The following ADGRL2 variants were observed in gnomAD, a reference collection of about 807,000 sequenced individuals.
ADGRL2 encodes calcium-independent alpha-latrotoxin receptor 2.
In ADGRL2, 44 loss-of-function variants were observed where a neutral mutation model predicts 157.4. That is an observed-to-expected ratio of 0.28 (90% confidence interval 0.22 to 0.36). The LOEUF (loss-of-function observed/expected upper bound fraction) is 0.36, where lower values mean the gene tolerates loss of function less well. ADGRL2 is among the 10% of genes least tolerant of loss of function. ADGRL2 has a pLI of 1.00. For missense variants in ADGRL2, 1,510 were observed against 1,768.9 expected, an observed-to-expected ratio of 0.85 and a Z score of 2.63; for synonymous variants, 585 against 624.7, an observed-to-expected ratio of 0.94 and a Z score of 0.95.
intron 3 of ADGRL2, among the ~76,000 whole-genome samples, chr1:81,929,317 A>C (rs2095176621): frequency 6.6e-6 from 1 of 152,304 alleles, no homozygotes; most frequent in Admixed American, 6.5e-5. Flanking sequence ...ATAATAATGC[A>C]GTGCCATCGG....
chr1:81,720,063 C>T (rs1330527718), intron 1 of ADGRL2, among the ~76,000 whole-genome samples: 1 of 151,738 alleles, frequency 6.6e-6, no homozygotes, highest in Non-Finnish European at 1.5e-5. Flanking sequence ...CATATGCAGA[C>T]AAATTGCTGC....
chr1:81,350,232 A>C (rs1662784443), intron 1 of ADGRL2, among the ~76,000 whole-genome samples: 1 of 152,194 alleles, frequency 6.6e-6, no homozygotes, highest in Admixed American at 6.5e-5. Flanking sequence ...ACTTTGCCTA[A>C]TATAACTCTA....
chr1:81,779,272 C>G (rs79755160), intron 2 of ADGRL2, among the ~76,000 whole-genome samples: 5 of 152,000 alleles, frequency 3.3e-5, no homozygotes, highest in Non-Finnish European at 5.9e-5. Context: ...CTAAGGGGTT[C>G]GAGAAGTCTG....
chr1:81,319,132 A>G (rs886766258), intron 1 of ADGRL2, among the ~76,000 whole-genome samples: 33 of 150,244 alleles, frequency 2.2e-4, no homozygotes, highest in African/African-American at 8.1e-4. Context: ...TTTTTAGTAG[A>G]GACGGGGTTT....
At chr1:81,349,548 T>C (rs1185851292) in intron 1 of ADGRL2, among the ~76,000 whole-genome samples, 2 of 151,906 alleles carry the variant, frequency 1.3e-5, no homozygotes, top group East Asian at 1.9e-4. Flanking sequence ...AGAAGTTTTT[T>C]CCTTCTACCC....
chr1:81,552,982 A>T (rs1489058313), intron 2 of ADGRL2, among the ~76,000 whole-genome samples: 1 of 152,206 alleles, frequency 6.6e-6, no homozygotes, highest in African/African-American at 2.4e-5. Context: ...TGAGAAACTA[A>T]TTGATAATAG....
At chr1:81,720,430 C>T (rs1287471383) in intron 1 of ADGRL2, among the ~76,000 whole-genome samples, 1 of 152,040 alleles carries the variant, frequency 6.6e-6, no homozygotes, top group Non-Finnish European at 1.5e-5. Context: ...CTCGGCCTCC[C>T]AAAGTGCTGA....
rs956812206 is a variant in ADGRL2, at chr1:81,770,403, C to T, written c.-101+8551C>T. Among the ~76,000 whole-genome samples the T allele has an allele frequency of 9.2e-5, 14 of 152,124 alleles. No homozygotes were observed. In the Middle Eastern group the frequency reaches 0.01, roughly 111 times the overall value. On this transcript the variant is annotated intron_variant, in intron 2 of 20. Coordinates refer to the ADGRL2 transcript ENST00000359929. ...GTCTTGAACTCCTAGCCCTGTAATT[C>T]GCCCGCCTTGGCCTCTCAAAGTGCT...
intron 3 of ADGRL2, among the ~76,000 whole-genome samples, chr1:81,654,330 C>A (rs1353511162): frequency 6.6e-6 from 1 of 152,152 alleles, no homozygotes; most frequent in Non-Finnish European, 1.5e-5. Flanking sequence ...CTTGAGTCAT[C>A]TTTTGTTTGT....
At chr1:81,425,218 T>C (rs144899696) in intron 1 of ADGRL2, among the ~76,000 whole-genome samples, 1,967 of 152,328 alleles carry the variant, frequency 0.013, 23 homozygotes, top group Non-Finnish European at 0.02. Flanking sequence ...AGTCAGTATA[T>C]GTTGACCCTA....
chr1:81,615,391 G>A (rs553274568), intron 3 of ADGRL2, among the ~76,000 whole-genome samples: 18 of 152,174 alleles, frequency 1.2e-4, no homozygotes, highest in African/African-American at 2.9e-4. Flanking sequence ...TTCGCTCTTC[G>A]CAATAAATCT....
intron 1 of ADGRL2, among the ~76,000 whole-genome samples, chr1:81,365,073 A>G (rs1041406404): frequency 2.0e-5 from 3 of 152,170 alleles, no homozygotes; most frequent in Admixed American, 6.5e-5. Flanking sequence ...CTGAGAGCTG[A>G]CGCCCTGAGG....
chr1:81,906,916 C>G (rs1348821754), intron 2 of ADGRL2, 101 bp from the exon 3 acceptor site: 1 of 936,462 alleles, frequency 1.1e-6, no homozygotes, highest in Non-Finnish European at 1.6e-6. Context: ...TATGACATCT[C>G]TTGACGATAG....
chr1:81,799,939 G>C (rs1417600216), upstream of ADGRL2, among the ~76,000 whole-genome samples: 2 of 152,106 alleles, frequency 1.3e-5, no homozygotes, highest in African/African-American at 4.8e-5. Flanking sequence ...ACACTTAACT[G>C]GCTTTTAAAC....
chr1:81,626,647 C>T (rs532274981), intron 3 of ADGRL2, among the ~76,000 whole-genome samples: 6 of 152,274 alleles, frequency 3.9e-5, no homozygotes, highest in East Asian at 1.9e-4. Flanking sequence ...AAAACACACG[C>T]GGGCAGTTTA....
intron 18 of ADGRL2, chr1:81,980,823 A>G: frequency 1.4e-6 from 1 of 720,332 alleles, no homozygotes; most frequent in East Asian, 2.5e-5. Context: ...TGGCTACTAT[A>G]ATACGGACTT....
At chr1:81,457,971 A>G (rs373056726) in intron 2 of ADGRL2, among the ~76,000 whole-genome samples, 10 of 152,278 alleles carry the variant, frequency 6.6e-5, no homozygotes, top group African/African-American at 1.9e-4. Flanking sequence ...CTAACTTCCA[A>G]TCAGATATTA....
intron 1 of ADGRL2, among the ~76,000 whole-genome samples, chr1:81,395,512 G>A (rs948348837): frequency 3.3e-5 from 5 of 152,088 alleles, no homozygotes; most frequent in Non-Finnish European, 5.9e-5. Context: ...TCACTTGGTG[G>A]ATTGTTTCCT....
intron 4 of ADGRL2, among the ~76,000 whole-genome samples, chr1:81,939,059 C>T (rs1387407100): frequency 3.3e-5 from 5 of 151,572 alleles, no homozygotes; most frequent in African/African-American, 9.6e-5. Flanking sequence ...TTTCTATCCC[C>T]AGTAAATCCT....
Sources: allele counts gnomAD v4.1 joint callset (sites outside exome capture counted in the v4.1 genomes callset), GRCh38; gene constraint gnomAD v4.1.1; transcripts MANE v1.5; gene names NCBI Gene and HGNC (gene_info 2026-07-23, HGNC 2026-07-21).